The following PDE8A variants were observed in gnomAD, a reference collection of about 807,000 sequenced individuals.
PDE8A encodes high affinity cAMP-specific and IBMX-insensitive 3',5'-cyclic phosphodiesterase 8A.
In PDE8A, 59 loss-of-function variants were observed where a neutral mutation model predicts 105.0. That is an observed-to-expected ratio of 0.56 (90% CI 0.46 to 0.70). The LOEUF is 0.70. Ranked by LOEUF, PDE8A falls within the 30% of genes least tolerant of loss-of-function variation. PDE8A has a pLI of 0.00. For missense variants in PDE8A, 1,014 were observed against 1,045.9 expected, an observed-to-expected ratio of 0.97 and a Z score of 0.42; for synonymous variants, 355 against 371.9, an observed-to-expected ratio of 0.95 and a Z score of 0.52.
At chr15:85,035,372 C>G (rs2080688279) in intron 1 of PDE8A, among the ~76,000 whole-genome samples, 1 of 151,946 alleles carries the variant, frequency 6.6e-6, no homozygotes, top group Admixed American at 6.6e-5. Flanking sequence ...CCACGCCCAG[C>G]TAATTTTTTG....
At chr15:85,019,887 G>A (rs1292243683) in intron 1 of PDE8A, among the ~76,000 whole-genome samples, 4 of 144,466 alleles carry the variant, frequency 2.8e-5, no homozygotes, top group Admixed American at 1.4e-4. Flanking sequence ...TGGCCAGTGT[G>A]TATGTTTCGA....
intron 1 of PDE8A, among the ~76,000 whole-genome samples, chr15:85,044,560 G>A (rs1043828928): frequency 1.3e-5 from 2 of 152,174 alleles, no homozygotes; most frequent in African/African-American, 4.8e-5. Context: ...ATAGAAAACT[G>A]CAAATCAGAT....
chr15:84,982,170 G>A lies in PDE8A; in HGVS notation c.8G>A (p.Cys3Tyr). 6.8e-7 allele frequency: 1 copy of A among 1,471,586 alleles called. No individual in the cohort carries two copies. The highest frequency in any genetic ancestry group is 8.9e-7 in the Non-Finnish European group (1 of 1,120,494). 91.2% of individuals were successfully genotyped at this position (1,471,586 alleles called of 1,614,324 possible). ...CGCGGCGCCGCCGCCAGCATGGGCT[G>A]TGCCCCGAGCATCCACATTTCCGAG... MGCAPSIHISERL... is the reference protein window; with the variant it reads MGYAPSIHISERL... The change falls in exon 1 of 22, where the codon TGT (cysteine) becomes TAT (tyrosine). Residue 3 changes from cysteine (C) to tyrosine (Y), a missense_variant. Transcript: ENST00000394553.
In PDE8A at chr15:84,995,446, T is replaced by C. The variant is rs146396173; in HGVS notation, c.186+13098T>C. The stretch of plus-strand genomic sequence containing the variant: ...CCTCCTCCCACCTCAACCTCCTGGG[T>C]AGCTGGGACTACAGGTACGCACCAC... On this transcript the variant is annotated intron_variant, in intron 1 of 21. Coordinates refer to ENST00000394553, the MANE Select transcript of PDE8A (RefSeq NM_002605.3). Among the ~76,000 whole-genome samples, 10 of 152,136 alleles carry C rather than the reference T, an allele frequency of 6.6e-5. No homozygotes were observed. In the East Asian group the frequency reaches 1.9e-3, roughly 29 times the overall value.
At chr15:85,023,439 G>C (rs2080461736) in intron 1 of PDE8A, among the ~76,000 whole-genome samples, 2 of 152,314 alleles carry the variant, frequency 1.3e-5, no homozygotes, top group South Asian at 4.1e-4. Flanking sequence ...AGGCCAGGGA[G>C]GTAGGAGAAC....
At position 84,982,076 on chromosome 15, in the gene PDE8A, G is replaced by T; in HGVS notation, c.-87G>T. On this transcript the variant is annotated 5_prime_UTR_variant, in exon 1 of 22. Transcript: ENST00000394553. The stretch of plus-strand genomic sequence containing the variant: ...CCCGCCCAGGCGGCGATGACACGGC[G>T]CCCGCGGCGGCCCGGAGGCGCCGGG... The T allele has an allele frequency of 1.2e-6, 1 of 836,734 alleles. No individual in the cohort carries two copies. The highest frequency in any genetic ancestry group is 5.9e-5 in the South Asian group (1 of 16,972). The allele number at this position is 836,734 out of a possible 1,614,324, so 51.8% of individuals were successfully genotyped here.
At chr15:85,098,511 A>G (rs2081799102) in intron 9 of PDE8A, among the ~76,000 whole-genome samples, 3 of 152,206 alleles carry the variant, frequency 2.0e-5, no homozygotes, top group Non-Finnish European at 2.9e-5. Context: ...AGGAGCCTAA[A>G]ACTTTCAGAC....
intron 6 of PDE8A, among the ~76,000 whole-genome samples, chr15:85,085,770 G>A (rs555992133): frequency 4.1e-4 from 62 of 152,066 alleles, no homozygotes; most frequent in Non-Finnish European, 4.9e-4. Flanking sequence ...CACTTTGGGA[G>A]GCTGAGGTTG....
rs112478880 is a variant in PDE8A at position 85,118,469 on chromosome 15, A to G, written c.1734+630A>G. ...ATCCTTTCGCATCTGGGCAGTTCCA[A>G]ACTAGAATTCTTGCCTGCCCTGCCT... On this transcript the variant is annotated intron_variant, in intron 17 of 21. Transcript: ENST00000394553. Among the ~76,000 whole-genome samples, 1,007 of 152,186 alleles carry G rather than the reference A, an allele frequency of 6.6e-3. 9 individuals carry two copies. Among genetic ancestry groups the G allele is most frequent in the Middle Eastern group, 0.031 (9 of 294 alleles).
chr15:85,039,296 G>A (rs777727769), intron 1 of PDE8A, among the ~76,000 whole-genome samples: 1 of 152,008 alleles, frequency 6.6e-6, no homozygotes, highest in African/African-American at 2.4e-5. Flanking sequence ...AGGAATAGTG[G>A]CACATGCCTG....
chr15:85,000,313 G>C (rs556530176), intron 1 of PDE8A, among the ~76,000 whole-genome samples: 1 of 152,292 alleles, frequency 6.6e-6, no homozygotes, highest in African/African-American at 2.4e-5. Flanking sequence ...TGAATATACT[G>C]ATAATGGAAA....
intron 19 of PDE8A, among the ~76,000 whole-genome samples, chr15:85,125,355 C>A (rs1275400532): frequency 6.6e-6 from 1 of 152,166 alleles, no homozygotes; most frequent in African/African-American, 2.4e-5. Flanking sequence ...TAGTCTTTTT[C>A]ATTGCTCTCT....
chr15:85,009,559 T>A (rs1466200362), intron 1 of PDE8A, among the ~76,000 whole-genome samples: 1 of 152,230 alleles, frequency 6.6e-6, no homozygotes, highest in East Asian at 1.9e-4. Flanking sequence ...AAGGGACTAT[T>A]GGCCATTGTA....
chr15:85,086,437 A>G (rs1322823695), intron 6 of PDE8A, among the ~76,000 whole-genome samples: 1 of 152,234 alleles, frequency 6.6e-6, no homozygotes, highest in African/African-American at 2.4e-5. Context: ...TAGGACAGAC[A>G]TTAGGTTAAT....
intron 8 of PDE8A, among the ~76,000 whole-genome samples, chr15:85,094,357 C>T (rs1469900489): frequency 1.3e-5 from 2 of 152,218 alleles, no homozygotes; most frequent in East Asian, 3.8e-4. Context: ...CACTGTCTCC[C>T]CTTTTCCTAC....
intron 9 of PDE8A, 181 bp from the exon 10 acceptor site, chr15:85,099,834 C>T: frequency 3.4e-6 from 2 of 593,466 alleles, no homozygotes; most frequent in East Asian, 5.4e-5. Context: ...ACAGAGACGC[C>T]AAAGGATGTT....
At chr15:85,124,725 G>A (rs914491361) in intron 19 of PDE8A, among the ~76,000 whole-genome samples, 1 of 152,094 alleles carries the variant, frequency 6.6e-6, no homozygotes, top group African/African-American at 2.4e-5. Flanking sequence ...TTTAACAGAG[G>A]TGCCTGTACC....
At chr15:85,110,125 CAGTT>C (rs924073436) in intron 12 of PDE8A, among the ~76,000 whole-genome samples, 18 of 152,078 alleles carry the variant, frequency 1.2e-4, no homozygotes, top group African/African-American at 3.1e-4. Flanking sequence ...GGTAGGGACT[CAGTT>C]AGTGTTAGCT....
At position 85,114,003 on chromosome 15, in the gene PDE8A, C is replaced by T; in HGVS notation, c.1316C>T (p.Pro439Leu). The T allele has an allele frequency of 4.3e-6, 7 of 1,613,970 alleles. No individual in the cohort carries two copies. Among genetic ancestry groups the T allele is most frequent in the Non-Finnish European group, 5.9e-6 (7 of 1,179,842 alleles). Residue 439 changes from proline (P) to leucine (L), a missense_variant, in exon 14 of 22, where the codon CCC becomes CTC. By Grantham distance (98) the Pro-to-Leu change is moderately conservative (BLOSUM62 -3). Coordinates refer to ENST00000394553, the MANE Select transcript of PDE8A (RefSeq NM_002605.3). ...CAGTTTGGTGCTAAAGATGATGATC[C>T]CCATGCCAATGACCTTGTTGGGGGC... is the stretch of plus-strand genomic sequence containing the variant. Reference protein sequence around the residue: ...SPQFGAKDDDPHANDLVGGLM... With the variant: ...SPQFGAKDDDLHANDLVGGLM...
Sources: allele counts gnomAD v4.1 joint callset (sites outside exome capture counted in the v4.1 genomes callset), GRCh38; gene constraint gnomAD v4.1.1; transcripts MANE v1.5; gene names NCBI Gene and HGNC (gene_info 2026-07-23, HGNC 2026-07-21).